Variants in NCALD observed in about 807,000 individuals in gnomAD.
The protein encoded by NCALD is neurocalcin-delta.
NCALD carries 10 observed loss-of-function variants against 18.6 expected under a neutral mutation model. The ratio of observed to expected loss-of-function variants is 0.54; its 90% confidence interval spans 0.33 to 0.91. The LOEUF (loss-of-function observed/expected upper bound fraction) is 0.91. NCALD is among the 40% of genes least tolerant of loss of function. NCALD has a pLI of 0.03. For missense variants in NCALD, 184 were observed against 247.6 expected, an observed-to-expected ratio of 0.74 and a Z score of 1.72; for synonymous variants, 88 against 87.4, an observed-to-expected ratio of 1.01 and a Z score of -0.04.
At chr8:102,050,928 T>C (rs1244024340) in intron 1 of NCALD, among the ~76,000 whole-genome samples, 1 of 147,474 alleles carries the variant, frequency 6.8e-6, no homozygotes, top group African/African-American at 2.5e-5. Flanking sequence ...ATAATTTATA[T>C]ATAAATAAAT....
chr8:102,014,287 C>T (rs1289961959), intron 2 of NCALD, among the ~76,000 whole-genome samples: 2 of 152,162 alleles, frequency 1.3e-5, no homozygotes, highest in Admixed American at 6.5e-5. Flanking sequence ...ATGGTGCCTT[C>T]CTGCTATGTC....
intron 1 of NCALD, among the ~76,000 whole-genome samples, chr8:101,754,131 C>T (rs1056383346): frequency 6.6e-6 from 1 of 152,156 alleles, no homozygotes; most frequent in African/African-American, 2.4e-5. Flanking sequence ...TCTCTGCTTT[C>T]ACCTGCAAGG....
intron 2 of NCALD, among the ~76,000 whole-genome samples, chr8:102,014,603 T>G (rs1346523206): frequency 6.6e-6 from 1 of 152,116 alleles, no homozygotes; most frequent in Non-Finnish European, 1.5e-5. Context: ...TGAAAAGTAA[T>G]AAGTTTTAAA....
intron 2 of NCALD, among the ~76,000 whole-genome samples, chr8:101,983,788 T>C (rs1408204290): frequency 6.6e-6 from 1 of 152,148 alleles, no homozygotes; most frequent in African/African-American, 2.4e-5. Context: ...GAGGAACTGA[T>C]GGGTTTACTC....
At chr8:101,862,024 A>C (rs1815563832) in intron 4 of NCALD, among the ~76,000 whole-genome samples, 1 of 152,218 alleles carries the variant, frequency 6.6e-6, no homozygotes, top group Non-Finnish European at 1.5e-5. Context: ...AATTCCACAA[A>C]TCTGCAAAAG....
At chr8:101,828,209 C>T (rs1250538637) in intron 4 of NCALD, among the ~76,000 whole-genome samples, 1 of 152,172 alleles carries the variant, frequency 6.6e-6, no homozygotes, top group African/African-American at 2.4e-5. Flanking sequence ...ATGAGGCAGA[C>T]CATGTCATGG....
intron 4 of NCALD, among the ~76,000 whole-genome samples, chr8:101,846,759 C>G (rs1814883966): frequency 6.6e-6 from 1 of 152,154 alleles, no homozygotes; most frequent in Non-Finnish European, 1.5e-5. Flanking sequence ...CTGACTCCAC[C>G]TACTTCTGAC....
At chr8:101,830,356 T>C (rs1267463688) in intron 4 of NCALD, among the ~76,000 whole-genome samples, 2 of 152,012 alleles carry the variant, frequency 1.3e-5, no homozygotes, top group Non-Finnish European at 1.5e-5. Context: ...AGGTCAGGAG[T>C]TCGTGTCCAG....
At chr8:101,938,779 A>G (rs1353543585) in intron 2 of NCALD, among the ~76,000 whole-genome samples, 1 of 152,244 alleles carries the variant, frequency 6.6e-6, no homozygotes, top group Non-Finnish European at 1.5e-5. Context: ...CAGACCCTCA[A>G]CCTGTACTGA....
chr8:101,951,968 G>A (rs1467179543), intron 2 of NCALD, among the ~76,000 whole-genome samples: 1 of 152,190 alleles, frequency 6.6e-6, no homozygotes, highest in African/African-American at 2.4e-5. Context: ...AGAGAGGAAG[G>A]GGTCATCTGG....
chr8:101,801,435 A>G (rs901681840), intron 4 of NCALD, among the ~76,000 whole-genome samples: 6 of 152,044 alleles, frequency 3.9e-5, no homozygotes, highest in South Asian at 2.1e-4. Flanking sequence ...TGTATTCACC[A>G]AAATTGGCTA....
At chr8:101,922,522 A>T (rs1402242039) in intron 2 of NCALD, among the ~76,000 whole-genome samples, 2 of 152,246 alleles carry the variant, frequency 1.3e-5, no homozygotes, top group African/African-American at 4.8e-5. Context: ...CACAAGAATA[A>T]TAACAACAGA....
chr8:102,030,922 G>C (rs1822647187), intron 1 of NCALD, among the ~76,000 whole-genome samples: 1 of 149,952 alleles, frequency 6.7e-6, no homozygotes, highest in Non-Finnish European at 1.5e-5. Context: ...AGTAGATAAA[G>C]GGGAGCAATT....
chr8:101,701,785 C>A (rs1244676364), intron 2 of NCALD, among the ~76,000 whole-genome samples: 2 of 152,194 alleles, frequency 1.3e-5, no homozygotes, highest in Non-Finnish European at 2.9e-5. Context: ...TGACAGCAGA[C>A]TACGGACAAC....
intron 1 of NCALD, among the ~76,000 whole-genome samples, chr8:102,032,240 T>C (rs1005766308): frequency 7.9e-5 from 12 of 152,182 alleles, no homozygotes; most frequent in African/African-American, 2.9e-4. Flanking sequence ...CCATATGATT[T>C]GATGGCTCAG....
At chr8:102,003,461 G>T (rs11896358) in intron 2 of NCALD, among the ~76,000 whole-genome samples, 1 of 152,132 alleles carries the variant, frequency 6.6e-6, no homozygotes, top group Non-Finnish European at 1.5e-5. Flanking sequence ...ACAAGGAGGA[G>T]CAGGTACCAT....
intron 1 of NCALD, among the ~76,000 whole-genome samples, chr8:102,075,945 CT>C (rs1824330003): frequency 2.0e-5 from 3 of 149,288 alleles, no homozygotes. Context: ...GAGCGAGATT[CT>C]GTCTCAAAAA....
chr8:101,823,582 G>A (rs1301697280), intron 4 of NCALD, among the ~76,000 whole-genome samples: 2 of 152,104 alleles, frequency 1.3e-5, no homozygotes, highest in African/African-American at 4.8e-5. Flanking sequence ...CAGTCTCCTG[G>A]CTTCTTAATG....
At chr8:102,084,979 A>T in intron 1 of NCALD, among the ~76,000 whole-genome samples, 1 of 152,156 alleles carries the variant, frequency 6.6e-6, no homozygotes, top group East Asian at 1.9e-4. Flanking sequence ...GATTGGCAGG[A>T]ACTTGTCTTG....
Sources: allele counts gnomAD v4.1 joint callset (sites outside exome capture counted in the v4.1 genomes callset), GRCh38; gene constraint gnomAD v4.1.1; transcripts MANE v1.5; gene names NCBI Gene and HGNC (gene_info 2026-07-23, HGNC 2026-07-21).